Variants in IGSF3 observed in about 807,000 individuals in gnomAD.
IGSF3 encodes the protein glu-Trp-Ile EWI motif-containing protein 3.
A neutral mutation model predicts 114.4 loss-of-function variants in IGSF3; 23 were observed. The observed-to-expected ratio is 0.20, with a 90% CI of 0.14 to 0.28. The LOEUF is 0.28. Ranked by LOEUF, IGSF3 falls within the 10% of genes least tolerant of loss-of-function variation. The pLI is 1.00. For missense variants in IGSF3, 1,172 were observed against 1,591.5 expected (o/e 0.74, Z 4.48); for synonymous variants, 571 against 645.2 (o/e 0.88, Z 1.74).
intron 6 of IGSF3, among the ~76,000 whole-genome samples, chr1:116,602,689 G>C (rs1348212585): frequency 6.6e-6 from 1 of 152,198 alleles, no homozygotes; most frequent in Admixed American, 6.5e-5. Flanking sequence ...AACCTGCAAG[G>C]AAGGTGGTGA....
At chr1:116,599,648 T>G (rs1465716237) in intron 7 of IGSF3, among the ~76,000 whole-genome samples, 1 of 152,168 alleles carries the variant, frequency 6.6e-6, no homozygotes, top group Non-Finnish European at 1.5e-5. Flanking sequence ...GCTGAAGTAC[T>G]TAGGGGGAAG....
chr1:116,641,495 CAAAAAAAAAAAA>C lies in IGSF3; in HGVS notation c.43+24777_43+24788del, dbSNP rs57930787. 2.8e-3 allele frequency among the ~76,000 whole-genome samples: 112 copies of C among 40,722 alleles called. 2 individuals carry two copies. In the East Asian group the frequency reaches 0.061, roughly 22 times the overall value. The allele number at this position is 40,722 out of a possible 152,430, so 26.7% of individuals were successfully genotyped here. ...TGGGCAACAGGGCAAGACTCTGTCT[CAAAAAAAAAAAA>C]AAAAAAAAAAAAGAAGAAGAAAGAA... On this transcript the variant is annotated intron_variant, in intron 2 of 10. Coordinates refer to ENST00000369486, the MANE Select transcript of IGSF3 (RefSeq NM_001007237.3).
chr1:116,590,398 T>G (rs1660060075), intron 7 of IGSF3, among the ~76,000 whole-genome samples: 1 of 151,920 alleles, frequency 6.6e-6, no homozygotes, highest in South Asian at 2.1e-4. Context: ...AAAACAATTC[T>G]AAGTTCCTCT....
chr1:116,630,378 T>C (rs761342881), intron 2 of IGSF3, among the ~76,000 whole-genome samples: 3 of 152,260 alleles, frequency 2.0e-5, no homozygotes, highest in Non-Finnish European at 4.4e-5. Flanking sequence ...GAGTGCCTGC[T>C]GAATTCCAGG....
In IGSF3 at chr1:116,595,616, C is replaced by T. The variant is rs1660311304; in HGVS notation, c.2029+4325G>A. 6.6e-6 allele frequency among the ~76,000 whole-genome samples: 1 copy of T among 152,220 alleles called. No homozygotes were observed. The highest frequency in any genetic ancestry group is 2.1e-4 in the South Asian group (1 of 4,832). On this transcript the variant is annotated intron_variant, in intron 7 of 10. Coordinates refer to ENST00000369486, the MANE Select transcript of IGSF3 (RefSeq NM_001007237.3). This position sits in a 1 kb window ranked among gnomAD's most constrained non-coding sequence, Gnocchi z 4.2. The stretch of plus-strand genomic sequence containing the variant: ...CAGTAAAATCCCAGCAGAATACACC[C>T]TCTGACAAGTCGGCTTTCCACCACT...
intron 2 of IGSF3, among the ~76,000 whole-genome samples, chr1:116,646,179 C>T (rs1244716530): frequency 2.6e-5 from 4 of 152,234 alleles, no homozygotes; most frequent in Non-Finnish European, 5.9e-5. Context: ...CCGTGACACA[C>T]TGTGATTTGT....
At position 116,657,182 on chromosome 1, in the gene IGSF3, T is replaced by A. The variant is rs2101079806; in HGVS notation, c.43+9102A>T. Among the ~76,000 whole-genome samples the A allele has an allele frequency of 6.6e-6, 1 of 152,314 alleles. No homozygotes were observed. The highest frequency in any genetic ancestry group is 1.9e-4 in the East Asian group (1 of 5,188). On this transcript the variant is annotated intron_variant, in intron 2 of 10. Coordinates refer to ENST00000369486, the MANE Select transcript of IGSF3 (RefSeq NM_001007237.3). The surrounding 1 kb of genome is among the most constrained non-coding windows in gnomAD (Gnocchi z 4.2). ...TCTTTTTAAAAAGGAATAGATTGTA[T>A]CTGGCTGGGATAGGGTAGGTGTGAT...
At chr1:116,641,495 CAAAAAAAAA>C (rs57930787) in intron 2 of IGSF3, among the ~76,000 whole-genome samples, 6 of 40,694 alleles carry the variant, frequency 1.5e-4, no homozygotes, top group East Asian at 6.2e-4. Flanking sequence ...GACTCTGTCT[CAAAAAAAAA>C]AAAAAAAAAA....
Position 116,636,797 on chromosome 1 carries a change from G to A in IGSF3, c.44-20340C>T, listed in dbSNP as rs956195495. Among the ~76,000 whole-genome samples, 1 of 152,002 alleles carries A rather than the reference G, an allele frequency of 6.6e-6. No homozygotes were observed. Among genetic ancestry groups the A allele is most frequent in the Non-Finnish European group, 1.5e-5 (1 of 68,004 alleles). On this transcript the variant is annotated intron_variant, in intron 2 of 10. Transcript: ENST00000369486. The surrounding 1 kb of genome is among the most constrained non-coding windows in gnomAD (Gnocchi z 4.5). The stretch of plus-strand genomic sequence containing the variant: ...CACACTCCAAAGACAGCATCTCCGC[G>A]AGAAGTGTTGGGCAGTGTCCAGGAG...
rs1420502181 is a variant in IGSF3 at position 116,579,839 on chromosome 1, T to C, written c.2887A>G (p.Thr963Ala). The C allele has an allele frequency of 6.2e-7, 1 of 1,611,918 alleles. No individual in the cohort carries two copies. The highest frequency in any genetic ancestry group is 8.5e-7 in the Non-Finnish European group (1 of 1,179,786). ...TGGAAAGCTGCCTTCTCAGAGACCG[T>C]GGCATTGGGGACCACTGTGTCCACC... ...LQVDTVVPNA[T>A]VSEKAAFQLD... Residue 963 changes from threonine to alanine, a missense_variant, in exon 10 of 11, where the codon ACG (threonine) becomes GCG (alanine). By Grantham distance (58) the Thr-to-Ala change is moderately conservative (BLOSUM62 0). Transcript: ENST00000369486. The surrounding 1 kb of genome is among the most constrained non-coding windows in gnomAD (Gnocchi z 6.4).
In IGSF3 at chr1:116,638,642, T is replaced by A. The variant is rs1165005798; in HGVS notation, c.44-22185A>T. On this transcript the variant is annotated intron_variant, in intron 2 of 10. Transcript: ENST00000369486. This position sits in a 1 kb window ranked among gnomAD's most constrained non-coding sequence, Gnocchi z 4.1. ...ACCTAAAGGCTATGCTTACATCGTT[T>A]TCCATCTCTTGTGTTGGTGAGCTAA... 2.0e-5 allele frequency among the ~76,000 whole-genome samples: 3 copies of A among 152,338 alleles called. No homozygotes were observed. The highest frequency in any genetic ancestry group is 6.8e-3 in the Middle Eastern group (2 of 294).
Position 116,625,178 on chromosome 1 carries a change from TGAGG to T in IGSF3, c.44-8725_44-8722del, listed in dbSNP as rs1384980547. Reference sequence around the variant, plus strand: ...ATGATGGATACTAGGACAGAAACTGTGAGGGAGAGATTGATAAGACATAGTTGAC... The same window carrying T: ...ATGATGGATACTAGGACAGAAACTGTGAGAGATTGATAAGACATAGTTGAC... On this transcript the variant is annotated intron_variant, in intron 2 of 10. Transcript: ENST00000369486. This position sits in a 1 kb window ranked among gnomAD's most constrained non-coding sequence, Gnocchi z 4.7. 6.6e-6 allele frequency among the ~76,000 whole-genome samples: 1 copy of T among 152,296 alleles called. No individual in the cohort carries two copies. The highest frequency in any genetic ancestry group is 6.5e-5 in the Admixed American group (1 of 15,306).
rs1273667708 is a variant in IGSF3, at chr1:116,636,149, CTT to C, written c.44-19694_44-19693del. Among the ~76,000 whole-genome samples, 3 of 152,232 alleles carry C rather than the reference CTT, an allele frequency of 2.0e-5. No homozygotes were observed. The highest frequency in any genetic ancestry group is 7.2e-5 in the African/African-American group (3 of 41,458). On this transcript the variant is annotated intron_variant, in intron 2 of 10. Coordinates refer to ENST00000369486, the MANE Select transcript of IGSF3 (RefSeq NM_001007237.3). The surrounding 1 kb of genome is among the most constrained non-coding windows in gnomAD (Gnocchi z 4.5). ...CTTTGCCAGTCATCAAACAAAGCCT[CTT>C]GTCTCCTGAGAGCCGCTCCACAATC... is the stretch of plus-strand genomic sequence containing the variant.
intron 7 of IGSF3, among the ~76,000 whole-genome samples, chr1:116,599,394 A>ACC (rs1033999113): frequency 3.3e-5 from 4 of 120,084 alleles, no homozygotes; most frequent in South Asian, 2.2e-4. Context: ...ATACATATAC[A>ACC]CACACACACA....
Position 116,588,520 on chromosome 1 carries a change from G to C in IGSF3, c.2440+174C>G, listed in dbSNP as rs1031810274. Among the ~76,000 whole-genome samples, 1 of 152,162 alleles carries C rather than the reference G, an allele frequency of 6.6e-6. No homozygotes were observed. Among genetic ancestry groups the C allele is most frequent in the Non-Finnish European group, 1.5e-5 (1 of 68,020 alleles). ...CCGTCAGCATCAGGACCCACTGCAG[G>C]TAAAATGGATGGGATTGCAGTGTGC... On this transcript the variant is annotated intron_variant, in intron 8 of 10. Coordinates refer to ENST00000369486, the MANE Select transcript of IGSF3 (RefSeq NM_001007237.3). The surrounding 1 kb of genome is among the most constrained non-coding windows in gnomAD (Gnocchi z 4.9).
intron 7 of IGSF3, among the ~76,000 whole-genome samples, chr1:116,597,701 C>G (rs1660399410): frequency 6.6e-6 from 1 of 152,210 alleles, no homozygotes; most frequent in Non-Finnish European, 1.5e-5. Flanking sequence ...CAGAGCAGAT[C>G]TGGGGTCTCC....
Position 116,577,870 on chromosome 1 carries a change from T to G in IGSF3, c.3335-308A>C, listed in dbSNP as rs1659419855. On this transcript the variant is annotated intron_variant, in intron 10 of 10. Transcript: ENST00000369486. This position sits in a 1 kb window ranked among gnomAD's most constrained non-coding sequence, Gnocchi z 5.7. ...TATTGATTGTGAACTCAACTGCATC[T>G]AGAATGGTGAAGAAGCTGCTCTGGT... Among the ~76,000 whole-genome samples the G allele has an allele frequency of 6.6e-6, 1 of 152,152 alleles. No homozygotes were observed.
rs1306437349 is a variant in IGSF3 at position 116,616,490 on chromosome 1, A to G, written c.44-33T>C. 1 of 1,557,530 alleles carries G rather than the reference A, an allele frequency of 6.4e-7. No homozygotes were observed. Among genetic ancestry groups the G allele is most frequent in the Admixed American group, 1.8e-5 (1 of 55,142 alleles). On this transcript the variant is annotated intron_variant, in intron 2 of 10. Transcript: ENST00000369486. The surrounding 1 kb of genome is among the most constrained non-coding windows in gnomAD (Gnocchi z 6.6). ...GGAGAGAAACACACACAACATGCTTACTTACTTCTCAGACCAAAATGCAAA... is the reference window on the plus strand; with the variant it reads ...GGAGAGAAACACACACAACATGCTTGCTTACTTCTCAGACCAAAATGCAAA...
chr1:116,630,061 T>C (rs1411921165), intron 2 of IGSF3, among the ~76,000 whole-genome samples: 3 of 152,210 alleles, frequency 2.0e-5, no homozygotes, highest in African/African-American at 4.8e-5. Flanking sequence ...GGACGTGACA[T>C]ACAGCATGGG....
Sources: gnomAD v4.1 joint callset for allele counts (sites outside exome capture counted in the v4.1 genomes callset) on GRCh38, gnomAD v4.1.1 for gene constraint, Gnocchi (gnomAD v3.1) non-coding constraint, MANE v1.5 for transcripts, NCBI Gene and HGNC (gene_info 2026-07-23, HGNC 2026-07-21) for gene names.